UVRAG: variants seen among roughly 807,000 people sequenced by gnomAD.
The protein encoded by UVRAG is UV radiation resistance-associated gene protein.
A neutral mutation model predicts 78.0 loss-of-function variants in UVRAG; 19 were observed. That is an observed-to-expected ratio of 0.24 (90% CI 0.17 to 0.36). UVRAG has a LOEUF of 0.36. UVRAG is among the 10% of genes least tolerant of loss of function. UVRAG has a pLI of 1.00. For missense variants in UVRAG, 740 were observed against 853.8 expected, an observed-to-expected ratio of 0.87 and a Z score of 1.66; for synonymous variants, 323 against 324.6, an observed-to-expected ratio of 1.00 and a Z score of 0.05.
At chr11:75,961,125 C>T (rs964612621) in intron 6 of UVRAG, among the ~76,000 whole-genome samples, 8 of 151,798 alleles carry the variant, frequency 5.3e-5, no homozygotes, top group Admixed American at 3.9e-4. Context: ...TTTCACTGGG[C>T]GTCAGTTTCC....
intron 12 of UVRAG, among the ~76,000 whole-genome samples, chr11:76,028,035 C>G (rs929378878): frequency 4.6e-5 from 7 of 152,136 alleles, no homozygotes; most frequent in African/African-American, 1.7e-4. Context: ...TTGCATCAAG[C>G]AAGTCTGTCA....
At chr11:75,996,392 C>T (rs1354396057) in intron 8 of UVRAG, among the ~76,000 whole-genome samples, 2 of 152,070 alleles carry the variant, frequency 1.3e-5, no homozygotes, top group Non-Finnish European at 2.9e-5. Flanking sequence ...ATTTGTGGAA[C>T]ACTTTCAAAG....
intron 13 of UVRAG, among the ~76,000 whole-genome samples, chr11:76,114,072 G>GT (rs1028103700): frequency 6.5e-4 from 95 of 147,162 alleles, no homozygotes; most frequent in Admixed American, 1.1e-3. Context: ...ATTTCAGTAA[G>GT]TTTTTTTTTT....
In UVRAG at chr11:76,143,466, T is replaced by C. The variant is rs1250251043; in HGVS notation, c.*2053T>C. Among the ~76,000 whole-genome samples, 4 of 152,250 alleles carry C rather than the reference T, an allele frequency of 2.6e-5. No homozygotes were observed. Among genetic ancestry groups the C allele is most frequent in the Non-Finnish European group, 5.9e-5 (4 of 68,044 alleles). On this transcript the variant is annotated 3_prime_UTR_variant, in exon 15 of 15. Transcript: ENST00000356136. The stretch of plus-strand genomic sequence containing the variant: ...GCTGTGCAGACTCCCTGGTTGATCC[T>C]GGGCTTGTGGCTTTTCACCGCACGG...
At chr11:75,926,288 T>C (rs888479150) in intron 6 of UVRAG, among the ~76,000 whole-genome samples, 2 of 152,220 alleles carry the variant, frequency 1.3e-5, no homozygotes, top group African/African-American at 4.8e-5. Flanking sequence ...TGTGAAGTGA[T>C]TGGACCCAAT....
chr11:76,110,999 G>A (rs934828734), intron 13 of UVRAG, among the ~76,000 whole-genome samples: 4 of 151,784 alleles, frequency 2.6e-5, no homozygotes, highest in African/African-American at 7.3e-5. Flanking sequence ...GCTGGGAGGC[G>A]CACACCACCA....
chr11:76,091,242 T>G (rs984887199), intron 13 of UVRAG, among the ~76,000 whole-genome samples: 1 of 152,192 alleles, frequency 6.6e-6, no homozygotes, highest in Non-Finnish European at 1.5e-5. Context: ...TGATTCCCCC[T>G]TTTTGTATGT....
chr11:75,843,384 C>T (rs1050169267), intron 1 of UVRAG, among the ~76,000 whole-genome samples: 3 of 152,200 alleles, frequency 2.0e-5, no homozygotes, highest in African/African-American at 7.2e-5. Context: ...CATCTACTAA[C>T]CTGCCATGGG....
intron 3 of UVRAG, among the ~76,000 whole-genome samples, chr11:75,866,076 G>C (rs1946530467): frequency 2.0e-5 from 3 of 151,738 alleles, no homozygotes; most frequent in Non-Finnish European, 4.4e-5. Flanking sequence ...GGGCAACATG[G>C]CAAAACCCCA....
At chr11:75,852,821 C>T (rs1946185498) in intron 2 of UVRAG, among the ~76,000 whole-genome samples, 1 of 152,114 alleles carries the variant, frequency 6.6e-6, no homozygotes, top group African/African-American at 2.4e-5. Flanking sequence ...TCTATTTATG[C>T]TAACAAAAGG....
chr11:75,820,462 C>T (rs1231081612), intron 1 of UVRAG, among the ~76,000 whole-genome samples: 2 of 151,030 alleles, frequency 1.3e-5, no homozygotes, highest in African/African-American at 4.9e-5. Flanking sequence ...TCAAGCGATT[C>T]TCCTGCCTCA....
intron 13 of UVRAG, among the ~76,000 whole-genome samples, chr11:76,076,088 CA>C (rs1159075332): frequency 6.6e-6 from 1 of 152,002 alleles, no homozygotes; most frequent in Non-Finnish European, 1.5e-5. Flanking sequence ...ATATAGTTTT[CA>C]TTATTTTGGG....
chr11:76,058,369 C>T (rs1951020469), intron 12 of UVRAG, among the ~76,000 whole-genome samples: 1 of 151,636 alleles, frequency 6.6e-6, no homozygotes, highest in African/African-American at 2.4e-5. Context: ...TGTCTCTATC[C>T]TCCCGTGCAA....
chr11:75,888,370 C>T (rs1182727004), intron 4 of UVRAG, among the ~76,000 whole-genome samples: 1 of 152,092 alleles, frequency 6.6e-6, no homozygotes, highest in Non-Finnish European at 1.5e-5. Context: ...TCTTGAACTC[C>T]TGAGCTTAAG....
At position 75,961,617 on chromosome 11, in the gene UVRAG, G is replaced by T; in HGVS notation, c.699+68G>T. On this transcript the variant is annotated intron_variant, in intron 7 of 14. Coordinates refer to ENST00000356136, the MANE Select transcript of UVRAG (RefSeq NM_003369.4). ...AAAGGAGAGTATCATATTCTTCTAG[G>T]GTTAATTTTAAAAAACGCTTTAGAT... 3 of 1,276,068 alleles carry T rather than the reference G, an allele frequency of 2.4e-6. No homozygotes were observed. The South Asian group carries it at 4.7e-5, about 20-fold the overall frequency. The allele number at this position is 1,276,068 out of a possible 1,614,324, so 79.0% of individuals were successfully genotyped here.
chr11:76,108,012 C>A lies in UVRAG; in HGVS notation c.1306-7912C>A, dbSNP rs1374204456. ...GTAGTCAAATTCATTGTAATCCCAT[C>A]ATGAAAGTGTTGATCTTTTAGTAAC... On this transcript the variant is annotated intron_variant, in intron 13 of 14. Transcript: ENST00000356136. 2.6e-5 allele frequency among the ~76,000 whole-genome samples: 4 copies of A among 152,294 alleles called. No individual in the cohort carries two copies. The East Asian group carries it at 5.8e-4, about 22-fold the overall frequency.
At chr11:75,868,909 G>A (rs925309334) in intron 3 of UVRAG, among the ~76,000 whole-genome samples, 16 of 152,182 alleles carry the variant, frequency 1.1e-4, no homozygotes, top group African/African-American at 3.9e-4. Context: ...GCTAATTTGT[G>A]TGTGTTTTGA....
At chr11:75,941,946 G>A (rs1357109177) in intron 6 of UVRAG, among the ~76,000 whole-genome samples, 1 of 151,888 alleles carries the variant, frequency 6.6e-6, no homozygotes, top group Non-Finnish European at 1.5e-5. Flanking sequence ...AAGATATGAA[G>A]GGTGCTAAAG....
chr11:76,140,160 C>A, intron 14 of UVRAG, among the ~76,000 whole-genome samples: 1 of 126,500 alleles, frequency 7.9e-6, no homozygotes. Flanking sequence ...CCTCCCTCCT[C>A]TGCCAGTCCT....
Sources: gnomAD v4.1 joint callset for allele counts (sites outside exome capture counted in the v4.1 genomes callset) on GRCh38, gnomAD v4.1.1 for gene constraint, MANE v1.5 for transcripts, NCBI Gene and HGNC (gene_info 2026-07-23, HGNC 2026-07-21) for gene names.